The following ALDH4A1 variants were observed in gnomAD, a reference collection of about 807,000 sequenced individuals.
ALDH4A1 encodes delta-1-pyrroline-5-carboxylate dehydrogenase, mitochondrial.
A neutral mutation model predicts 70.5 loss-of-function variants in ALDH4A1; 46 were observed. That is an observed-to-expected ratio of 0.65 (90% CI 0.51 to 0.83). The LOEUF (loss-of-function observed/expected upper bound fraction) is 0.83. ALDH4A1 is among the 40% of genes least tolerant of loss of function. The pLI is 0.00. For missense variants in ALDH4A1, 749 were observed against 766.5 expected, an observed-to-expected ratio of 0.98 and a Z score of 0.27; for synonymous variants, 323 against 324.3, an observed-to-expected ratio of 1.00 and a Z score of 0.04.
chr1:18,885,556 G>A lies in ALDH4A1; in HGVS notation c.370C>T (p.Arg124Trp), dbSNP rs139487658. 15 of 1,612,532 alleles carry A rather than the reference G, an allele frequency of 9.3e-6. No individual in the cohort carries two copies. The highest frequency in any genetic ancestry group is 3.3e-5 in the Admixed American group (2 of 59,802). Residue 124 changes from arginine (R) to tryptophan (W), a missense_variant, in exon 5 of 15, where the codon CGG becomes TGG. By Grantham distance (101) the Arg-to-Trp change is moderately radical. Transcript: ENST00000375341. The part of the protein sequence containing the change: ...KEWDLKPIAD[R>W]AQIFLKAADM... ...GCCGCCTTCAGGAAGATCTGGGCCCGGTCTGCAATAGGCTTCAGGTCCCAC... is the reference window on the plus strand; with the variant it reads ...GCCGCCTTCAGGAAGATCTGGGCCCAGTCTGCAATAGGCTTCAGGTCCCAC...
In ALDH4A1 at chr1:18,871,455, G is replaced by A. The variant is rs765237957; in HGVS notation, c.*1390C>T. The A allele has an allele frequency of 1.3e-5, 2 of 152,268 alleles. No individual in the cohort carries two copies. The highest frequency in any genetic ancestry group is 2.9e-5 in the Non-Finnish European group (2 of 68,080). The allele number at this position is 152,268 out of a possible 1,614,324, so 9.4% of individuals were successfully genotyped here. Reference sequence around the variant, plus strand: ...TTAAGTAACAGGCATTTTATTGGGTGGCATCTGAGCAAATCCCATTGCCAC... The same window carrying A: ...TTAAGTAACAGGCATTTTATTGGGTAGCATCTGAGCAAATCCCATTGCCAC... On this transcript the variant is annotated 3_prime_UTR_variant, in exon 15 of 15. Coordinates refer to ENST00000375341, the MANE Select transcript of ALDH4A1 (RefSeq NM_003748.4).
intron 1 of ALDH4A1, chr1:18,900,877 G>A: frequency 2.0e-6 from 2 of 985,196 alleles, no homozygotes; most frequent in Non-Finnish European, 2.4e-6. Flanking sequence ...GTACTTACCG[G>A]CTCGGTGTTA....
intron 3 of ALDH4A1, among the ~76,000 whole-genome samples, chr1:18,887,490 T>C (rs1382738998): frequency 6.6e-6 from 1 of 151,894 alleles, no homozygotes; most frequent in Non-Finnish European, 1.5e-5. Flanking sequence ...TCCCAGCTAC[T>C]GGGGAGGCTG....
chr1:18,883,897 G>A (rs984510583), intron 5 of ALDH4A1, among the ~76,000 whole-genome samples: 1 of 152,148 alleles, frequency 6.6e-6, no homozygotes, highest in Non-Finnish European at 1.5e-5. Context: ...AATGATGTTC[G>A]GCCTTGCTGG....
In ALDH4A1 at chr1:18,890,058, A is replaced by G. The variant is rs1173771924; in HGVS notation, c.110T>C (p.Val37Ala). 1 of 1,613,232 alleles carries G rather than the reference A, an allele frequency of 6.2e-7. No homozygotes were observed. The highest frequency in any genetic ancestry group is 1.7e-5 in the Admixed American group (1 of 59,942). The change falls in exon 2 of 15, where the codon GTC (valine) becomes GCC (alanine). Residue 37 changes from valine to alanine, a missense_variant. Coordinates refer to ENST00000375341, the MANE Select transcript of ALDH4A1 (RefSeq NM_003748.4). ...AGGGCTGCCCTGCGTGAAGGCTAAG[A>G]CGGGCTCGTTGGCCACCTTCAGGGA... ...TSSLKVANEP[V>A]LAFTQGSPER...
Position 18,892,566 on chromosome 1 carries a change from G to T in ALDH4A1, c.63-2461C>A, listed in dbSNP as rs112275527. Among the ~76,000 whole-genome samples, 83 of 151,694 alleles carry T rather than the reference G, an allele frequency of 5.5e-4. 1 individual carries two copies. The highest frequency in any genetic ancestry group is 1.9e-3 in the South Asian group (9 of 4,706). On this transcript the variant is annotated intron_variant, in intron 1 of 14. Coordinates refer to ENST00000375341, the MANE Select transcript of ALDH4A1 (RefSeq NM_003748.4). ...TCCCAGGTAGAAGGAGGCGGGGGGG[G>T]GCTGAGAGGGGCCTGCGTGGTAGAG...
rs1333530958 is a variant in ALDH4A1 at position 18,897,101 on chromosome 1, C to T, written c.62+5361G>A. On this transcript the variant is annotated intron_variant, in intron 1 of 14. Coordinates refer to ENST00000375341, the MANE Select transcript of ALDH4A1 (RefSeq NM_003748.4). ...CATCCCTGATCCAAAAATCCAAAAT[C>T]CGAAATGTTCCAAAATCTGAAACTT... The T allele has an allele frequency of 7.5e-6, 4 of 533,810 alleles. No homozygotes were observed. In the Admixed American group the frequency reaches 7.8e-5, roughly 10 times the overall value. 33.1% of individuals were successfully genotyped at this position (533,810 alleles called of 1,614,324 possible). A position where few individuals can be genotyped will look rare whatever the true frequency, so the allele number is the denominator to read the frequency against.
chr1:18,890,148 C>A (rs747969757), intron 1 of ALDH4A1, 43 bp from the exon 2 acceptor site: 2 of 1,517,934 alleles, frequency 1.3e-6, no homozygotes, highest in South Asian at 2.3e-5. Flanking sequence ...AGGTCAGCAG[C>A]GGCCCCACCA....
chr1:18,895,822 G>A (rs536542560), intron 1 of ALDH4A1, among the ~76,000 whole-genome samples: 47 of 152,346 alleles, frequency 3.1e-4, no homozygotes, highest in African/African-American at 1.1e-3. Context: ...CGCCATGCCA[G>A]CCCTGCTCCA....
chr1:18,892,425 A>C (rs115091253), intron 1 of ALDH4A1, among the ~76,000 whole-genome samples: 179 of 152,214 alleles, frequency 1.2e-3, no homozygotes, highest in African/African-American at 4.2e-3. Context: ...GATGGTGAGC[A>C]TGGCAAACAA....
At chr1:18,890,225 G>T in intron 1 of ALDH4A1, 120 bp from the exon 2 acceptor site, 1 of 828,218 alleles carries the variant, frequency 1.2e-6, no homozygotes, top group Non-Finnish European at 2.0e-6. Flanking sequence ...GAAATCCAAT[G>T]CAACTAGAAA....
At chr1:18,899,947 A>G (rs887479873) in intron 1 of ALDH4A1, among the ~76,000 whole-genome samples, 2 of 152,230 alleles carry the variant, frequency 1.3e-5, no homozygotes, top group Non-Finnish European at 2.9e-5. Flanking sequence ...ACAAGTGTAT[A>G]AAGGGAAAAA....
chr1:18,885,444 C>A, intron 5 of ALDH4A1, 29 bp downstream of exon 5: 1 of 902,250 alleles, frequency 1.1e-6, no homozygotes, highest in Non-Finnish European at 1.7e-6. Flanking sequence ...CCACCCCGCC[C>A]CACCCACCCG....
intron 1 of ALDH4A1, among the ~76,000 whole-genome samples, chr1:18,895,637 C>A (rs1240969526): frequency 6.6e-6 from 1 of 152,184 alleles, no homozygotes; most frequent in Non-Finnish European, 1.5e-5. Flanking sequence ...TCTACAAAGG[C>A]CAGGCACCAT....
intron 3 of ALDH4A1, among the ~76,000 whole-genome samples, chr1:18,887,460 G>T (rs185758126): frequency 2.0e-5 from 3 of 152,198 alleles, no homozygotes; most frequent in African/African-American, 7.2e-5. Flanking sequence ...TTAGCTGGGC[G>T]TGGTGGCGGA....
intron 1 of ALDH4A1, among the ~76,000 whole-genome samples, chr1:18,899,173 G>A (rs960688653): frequency 2.0e-5 from 3 of 152,254 alleles, no homozygotes; most frequent in African/African-American, 4.8e-5. Context: ...CAAGAGCAGA[G>A]AATGTCTAAG....
chr1:18,883,367 A>T lies in ALDH4A1; in HGVS notation c.515T>A (p.Phe172Tyr). The change falls in exon 6 of 15, where the codon TTC (phenylalanine) becomes TAC (tyrosine). Residue 172 changes from phenylalanine (F) to tyrosine (Y), a missense_variant. By Grantham distance (22) the Phe-to-Tyr change is conservative. Coordinates refer to ENST00000375341, the MANE Select transcript of ALDH4A1 (RefSeq NM_003748.4). The stretch of plus-strand genomic sequence containing the variant: ...CAGCTCCACCGCATACTTGGCATTG[A>T]ACCGGAAGAAGTCGATGAGTTCCGC... ...AAAELIDFFRFNAKYAVELEG... is the reference protein window; with the variant it reads ...AAAELIDFFRYNAKYAVELEG... 1 of 1,613,502 alleles carries T rather than the reference A, an allele frequency of 6.2e-7. No individual in the cohort carries two copies. Among genetic ancestry groups the T allele is most frequent in the Non-Finnish European group, 8.5e-7 (1 of 1,180,032 alleles).
Position 18,881,705 on chromosome 1 carries a change from A to G in ALDH4A1, c.861T>C (p.Ser287=). The G allele has an allele frequency of 2.5e-6, 4 of 1,614,036 alleles. No individual in the cohort carries two copies. Among genetic ancestry groups the G allele is most frequent in the Non-Finnish European group, 2.5e-6 (3 of 1,180,020 alleles). The change falls in exon 8 of 15, where the codon AGT becomes AGC. Residue 287 remains serine (S), a synonymous_variant. Transcript: ENST00000375341. ...EHLCGINFTG[S]VPTFKHLWKQ... The stretch of plus-strand genomic sequence containing the variant: ...CACCATCCCCAGGGACTTACGGCAC[A>G]CTGCCTGTGAAGTTGATGCCACAGA...
chr1:18,900,890 C>T (rs1935776411), intron 1 of ALDH4A1: 10 of 985,102 alleles, frequency 1.0e-5, no homozygotes, highest in African/African-American at 1.7e-5. Flanking sequence ...CGGTGTTAGG[C>T]CCATGGTGCT....
Sources: gnomAD v4.1 joint callset for allele counts (sites outside exome capture counted in the v4.1 genomes callset) on GRCh38, gnomAD v4.1.1 for gene constraint, MANE v1.5 for transcripts, NCBI Gene and HGNC (gene_info 2026-07-23, HGNC 2026-07-21) for gene names.